Variants in FBN2 observed in about 807,000 individuals in gnomAD.
The protein encoded by FBN2 is fibrillin 2, also known as fibrillin-2.
FBN2 carries 105 observed loss-of-function variants against 355.6 expected under a neutral mutation model. The ratio of observed to expected loss-of-function variants is 0.30; its 90% CI spans 0.25 to 0.35. The LOEUF is 0.35. Among genes scored for constraint, FBN2 ranks in the 10% least tolerant of loss-of-function variants. The probability of loss-of-function intolerance (pLI) is 1.00; values close to 1 mark genes in which losing one functional copy is unlikely to be tolerated. For synonymous variants in FBN2, 1,350 were observed against 1,301.2 expected (o/e 1.04, Z -0.81); for missense variants, 3,280 against 3,758.7 (o/e 0.87, Z 3.33).
intron 7 of FBN2, among the ~76,000 whole-genome samples, chr5:128,411,851 G>A (rs1561444027): frequency 6.6e-6 from 1 of 152,094 alleles, no homozygotes. Flanking sequence ...TTTAAATTTA[G>A]CATTAGCATT....
At chr5:128,471,242 T>G (rs1204884408) in intron 5 of FBN2, among the ~76,000 whole-genome samples, 1 of 152,058 alleles carries the variant, frequency 6.6e-6, no homozygotes, top group Non-Finnish European at 1.5e-5. Flanking sequence ...CTGTCCTTAT[T>G]ATAAATGAGG....
In FBN2 at chr5:128,259,525, T is replaced by C. The variant is rs747335420; in HGVS notation, c.8669A>G (p.Asn2890Ser). The C allele has an allele frequency of 1.9e-6, 3 of 1,614,028 alleles. No homozygotes were observed. In the South Asian group the frequency reaches 3.3e-5, roughly 18 times the overall value. Residue 2890 changes from asparagine (N) to serine (S), a missense_variant, in exon 65 of 65, where the codon AAT (asparagine) becomes AGT (serine). Coordinates refer to ENST00000262464, the MANE Select transcript of FBN2 (RefSeq NM_001999.4). ...CTCCCCTAGGAGGTAGTCATCCTCA[T>C]TGCTCTCTTCCAGTTTCTTAAGCTC... ...KKELKKLEES[N>S]EDDYLLGELG...
At position 128,334,822 on chromosome 5, in the gene FBN2, A is replaced by C. The variant is rs1257289014; in HGVS notation, c.3996T>G (p.Asn1332Lys). 1 of 1,612,608 alleles carries C rather than the reference A, an allele frequency of 6.2e-7. No homozygotes were observed. The highest frequency in any genetic ancestry group is 8.5e-7 in the Non-Finnish European group (1 of 1,178,580). Residue 1332 changes from asparagine to lysine, a missense_variant, in exon 31 of 65, where the codon AAT (asparagine) becomes AAG (lysine). By Grantham distance (94) the Asn-to-Lys change is moderately conservative. This residue lies in a region of FBN2 where 2,284 missense variants were observed against 2,749.5 expected (regional missense o/e 0.83). Coordinates refer to ENST00000262464, the MANE Select transcript of FBN2 (RefSeq NM_001999.4). Reference sequence around the variant, plus strand: ...ATTCCCCAAACATGCAGATATTTGAATTTAGGTCACATTCATTGACATCTA... The same window carrying C: ...ATTCCCCAAACATGCAGATATTTGACTTTAGGTCACATTCATTGACATCTA... ...TCIDVNECDL[N>K]SNICMFGECE...
In FBN2 at chr5:128,269,719, A is replaced by T. The variant is rs150037012; in HGVS notation, c.7960+2280T>A. On this transcript the variant is annotated intron_variant, in intron 62 of 64. Transcript: ENST00000262464. ...GAGAACTACAAACCACTGCCCAAGGAAATAAGAGAGGACACAAATGAATGG... is the reference window on the plus strand; with the variant it reads ...GAGAACTACAAACCACTGCCCAAGGTAATAAGAGAGGACACAAATGAATGG... Among the ~76,000 whole-genome samples the T allele has an allele frequency of 3.0e-3, 457 of 152,350 alleles. 2 individuals carry two copies. The highest frequency in any genetic ancestry group is 0.024 in the Admixed American group (368 of 15,302).
chr5:128,488,607 C>T (rs186947409), intron 5 of FBN2, among the ~76,000 whole-genome samples: 75 of 151,964 alleles, frequency 4.9e-4, no homozygotes, highest in African/African-American at 1.7e-3. Context: ...CCCATTAACT[C>T]GTCATTTAGC....
chr5:128,388,760 C>T (rs969023077), intron 11 of FBN2, among the ~76,000 whole-genome samples: 3 of 152,010 alleles, frequency 2.0e-5, no homozygotes, highest in Non-Finnish European at 2.9e-5. Context: ...CTTTAGTTGC[C>T]TTTAAAATTT....
At chr5:128,435,635 C>T (rs1467494897) in intron 7 of FBN2, among the ~76,000 whole-genome samples, 1 of 151,916 alleles carries the variant, frequency 6.6e-6, no homozygotes, top group Non-Finnish European at 1.5e-5. Context: ...CATTTGGGTC[C>T]CAAATGTTCT....
chr5:128,336,820 T>C (rs1485102297), intron 27 of FBN2, among the ~76,000 whole-genome samples: 4 of 152,166 alleles, frequency 2.6e-5, no homozygotes, highest in African/African-American at 9.7e-5. Context: ...GTGATACACT[T>C]CCTTATGTAA....
intron 4 of FBN2, among the ~76,000 whole-genome samples, chr5:128,525,214 A>G (rs1756532444): frequency 6.6e-6 from 1 of 152,142 alleles, no homozygotes; most frequent in Non-Finnish European, 1.5e-5. Context: ...AGTGATTCTA[A>G]TTTTCATTTT....
chr5:128,381,443 T>G (rs545325684), intron 11 of FBN2, among the ~76,000 whole-genome samples: 42 of 152,204 alleles, frequency 2.8e-4, no homozygotes, highest in African/African-American at 9.6e-4. Flanking sequence ...CTCAAAACAT[T>G]AGCGCAGCTG....
intron 9 of FBN2, 107 bp downstream of exon 9, chr5:128,395,015 G>A: frequency 7.8e-7 from 1 of 1,279,350 alleles, no homozygotes; most frequent in East Asian, 2.3e-5. Context: ...TGAACTTCTG[G>A]ACTCAAGCAA....
chr5:128,392,795 A>T (rs1159077893), intron 10 of FBN2, among the ~76,000 whole-genome samples: 1 of 152,174 alleles, frequency 6.6e-6, no homozygotes, highest in Non-Finnish European at 1.5e-5. Context: ...TTGAAACCAA[A>T]AACATGCTTT....
At chr5:128,292,375 T>C (rs1163045368) in intron 48 of FBN2, among the ~76,000 whole-genome samples, 2 of 152,316 alleles carry the variant, frequency 1.3e-5, no homozygotes, top group Non-Finnish European at 2.9e-5. Context: ...GAAGTACTTA[T>C]TTAATGGAAT....
At chr5:128,409,590 A>G (rs2127001139) in intron 7 of FBN2, among the ~76,000 whole-genome samples, 1 of 152,314 alleles carries the variant, frequency 6.6e-6, no homozygotes, top group South Asian at 2.1e-4. Flanking sequence ...AGCTGCAATT[A>G]GGGATAACTG....
intron 62 of FBN2, among the ~76,000 whole-genome samples, chr5:128,268,236 C>T (rs1241080370): frequency 6.6e-6 from 1 of 152,176 alleles, no homozygotes; most frequent in Non-Finnish European, 1.5e-5. Context: ...TCAGAGAATA[C>T]TATAAACATC....
chr5:128,330,850 A>G (rs973847547), intron 32 of FBN2, among the ~76,000 whole-genome samples, 155 bp from the exon 33 acceptor site: 35 of 152,352 alleles, frequency 2.3e-4, no homozygotes, highest in African/African-American at 7.9e-4. Flanking sequence ...CTCAGACCCA[A>G]TGTCCAATGT....
At chr5:128,265,088 G>C (rs181288434) in intron 62 of FBN2, among the ~76,000 whole-genome samples, 1 of 152,212 alleles carries the variant, frequency 6.6e-6, no homozygotes, top group Admixed American at 6.5e-5. Context: ...ACGTAGATAC[G>C]ATAAATAAAT....
At chr5:128,441,664 T>A (rs775338497) in intron 7 of FBN2, among the ~76,000 whole-genome samples, 6 of 152,114 alleles carry the variant, frequency 3.9e-5, no homozygotes, top group Non-Finnish European at 7.4e-5. Context: ...GCTGGCAGAG[T>A]CAGGCAAGAA....
chr5:128,300,920 G>A lies in FBN2; in HGVS notation c.6063C>T (p.Val2021=), dbSNP rs149380208. Residue 2021 remains valine, a synonymous_variant, in exon 48 of 65, where the codon GTC becomes GTT. Transcript: ENST00000262464. ...GKNCIDTNEC[V]ALPGSCSPGT... ...CAGGAGAGCAAGAGCCGGGAAGGGC[G>A]ACACACTCATTAGTGTCTTTAGAGA... 39 of 1,613,408 alleles carry A rather than the reference G, an allele frequency of 2.4e-5. 1 individual carries two copies. Among genetic ancestry groups the A allele is most frequent in the African/African-American group, 2.4e-4 (18 of 75,014 alleles).
Sources: gnomAD v4.1 joint callset for allele counts (sites outside exome capture counted in the v4.1 genomes callset) on GRCh38, gnomAD v4.1.1 for gene constraint, gnomAD v4.1.1 regional missense constraint, MANE v1.5 for transcripts, NCBI Gene and HGNC (gene_info 2026-07-23, HGNC 2026-07-21) for gene names.